KSR1: variants seen among roughly 807,000 people sequenced by gnomAD.
KSR1 encodes kinase suppressor of ras.
A neutral mutation model predicts 92.9 loss-of-function variants in KSR1; 35 were observed. The ratio of observed to expected loss-of-function variants is 0.38; its 90% CI spans 0.29 to 0.50. KSR1 has a LOEUF of 0.50. Among genes scored for constraint, KSR1 ranks in the 20% least tolerant of loss-of-function variants. The pLI is 0.94. For synonymous variants in KSR1, 467 were observed against 472.6 expected, an observed-to-expected ratio of 0.99 and a Z score of 0.15; for missense variants, 972 against 1,158.5, an observed-to-expected ratio of 0.84 and a Z score of 2.34.
intron 6 of KSR1, 114 bp downstream of exon 6, chr17:27,588,649 C>G: frequency 1.1e-6 from 1 of 930,302 alleles, no homozygotes; most frequent in Non-Finnish European, 1.6e-6. Flanking sequence ...ACGGGCCTGT[C>G]CATTTCACCT....
At chr17:27,536,975 G>A (rs990127749) in intron 1 of KSR1, among the ~76,000 whole-genome samples, 2 of 152,246 alleles carry the variant, frequency 1.3e-5, no homozygotes, top group Admixed American at 6.5e-5. Flanking sequence ...GTCTACACTC[G>A]TATGGTAGAC....
chr17:27,548,499 C>T (rs1450955150), intron 1 of KSR1, among the ~76,000 whole-genome samples: 2 of 152,004 alleles, frequency 1.3e-5, no homozygotes, highest in Non-Finnish European at 2.9e-5. Context: ...GTGCAGTGGT[C>T]CTAAGTGTTT....
chr17:27,554,876 A>T (rs550653603), intron 2 of KSR1, among the ~76,000 whole-genome samples: 2 of 152,180 alleles, frequency 1.3e-5, no homozygotes, highest in Non-Finnish European at 2.9e-5. Flanking sequence ...ATAATTTTAG[A>T]TTTACAGAAA....
chr17:27,553,234 A>G (rs1482191260), intron 2 of KSR1, among the ~76,000 whole-genome samples: 1 of 152,028 alleles, frequency 6.6e-6, no homozygotes, highest in Non-Finnish European at 1.5e-5. Flanking sequence ...AAAATTAACA[A>G]TTTCCCACCT....
chr17:27,463,203 G>C (rs73270184), intron 1 of KSR1, among the ~76,000 whole-genome samples: 1 of 152,026 alleles, frequency 6.6e-6, no homozygotes, highest in East Asian at 1.9e-4. Flanking sequence ...TCACACTGAC[G>C]GCCAAGAGTT....
intron 18 of KSR1, 122 bp downstream of exon 18, chr17:27,611,751 G>C (rs1053014767): frequency 8.9e-7 from 1 of 1,121,456 alleles, no homozygotes; most frequent in South Asian, 1.4e-5. Flanking sequence ...CCACCTGCAC[G>C]TGTCTAGCTA....
chr17:27,613,537 A>G (rs1221240145), intron 18 of KSR1, among the ~76,000 whole-genome samples: 3 of 152,142 alleles, frequency 2.0e-5, no homozygotes, highest in African/African-American at 7.2e-5. Flanking sequence ...TGGTGGCTCC[A>G]CCCTATTCCC....
chr17:27,464,052 T>C (rs1426062379), intron 1 of KSR1, among the ~76,000 whole-genome samples: 1 of 152,198 alleles, frequency 6.6e-6, no homozygotes, highest in Admixed American at 6.5e-5. Flanking sequence ...GAGTCAGACC[T>C]GGAGGCCCAC....
intron 10 of KSR1, among the ~76,000 whole-genome samples, chr17:27,600,892 A>C (rs770139135): frequency 6.6e-6 from 1 of 152,310 alleles, no homozygotes; most frequent in East Asian, 1.9e-4. Flanking sequence ...CCAGAACCCC[A>C]GTGTATCCTT....
intron 2 of KSR1, among the ~76,000 whole-genome samples, chr17:27,569,867 A>G (rs764793602): frequency 3.9e-5 from 6 of 152,182 alleles, no homozygotes; most frequent in Non-Finnish European, 8.8e-5. Flanking sequence ...GATTTATAGA[A>G]GGAGGAATGG....
intron 1 of KSR1, among the ~76,000 whole-genome samples, chr17:27,460,835 C>T (rs1395199876): frequency 3.3e-5 from 5 of 152,192 alleles, no homozygotes; most frequent in Admixed American, 3.3e-4. Flanking sequence ...GGCACGTTCC[C>T]TGGACAGACC....
At chr17:27,543,845 G>A (rs1453718174) in intron 1 of KSR1, among the ~76,000 whole-genome samples, 2 of 152,134 alleles carry the variant, frequency 1.3e-5, no homozygotes, top group East Asian at 3.8e-4. Context: ...TGGCCGTCTC[G>A]CCTTTAGAAG....
chr17:27,622,018 G>A (rs2074237592), intron 20 of KSR1: 2 of 1,331,228 alleles, frequency 1.5e-6, no homozygotes, highest in Admixed American at 3.4e-5. Flanking sequence ...AATGCAAAAT[G>A]AGATGCGGGC....
intron 7 of KSR1, among the ~76,000 whole-genome samples, chr17:27,591,585 A>G (rs1012358951): frequency 6.6e-6 from 1 of 152,242 alleles, no homozygotes; most frequent in Non-Finnish European, 1.5e-5. Flanking sequence ...TCTGGGCTCC[A>G]GTCAGACCGT....
chr17:27,607,855 G>A, intron 14 of KSR1, 59 bp from the exon 15 acceptor site: 1 of 1,274,732 alleles, frequency 7.8e-7, no homozygotes, highest in South Asian at 1.3e-5. Context: ...GCTCCACCAG[G>A]GTTGGGGTCA....
chr17:27,523,301 A>T (rs542293138), intron 1 of KSR1, among the ~76,000 whole-genome samples: 2 of 152,102 alleles, frequency 1.3e-5, no homozygotes, highest in Non-Finnish European at 2.9e-5. Context: ...TCTGACTTAC[A>T]TGAATCAGCC....
At chr17:27,535,700 G>A (rs189661292) in intron 1 of KSR1, among the ~76,000 whole-genome samples, 16 of 152,234 alleles carry the variant, frequency 1.1e-4, no homozygotes, top group African/African-American at 3.4e-4. Context: ...AGATTGCAGC[G>A]AAGGAAGATG....
intron 2 of KSR1, among the ~76,000 whole-genome samples, chr17:27,570,543 G>A (rs1479711466): frequency 1.3e-5 from 2 of 152,056 alleles, no homozygotes; most frequent in Non-Finnish European, 1.5e-5. Flanking sequence ...TCAATCCCAG[G>A]CTTACCAATG....
intron 2 of KSR1, among the ~76,000 whole-genome samples, chr17:27,576,324 G>A (rs1004863187): frequency 1.3e-5 from 2 of 152,106 alleles, no homozygotes; most frequent in African/African-American, 2.4e-5. Context: ...ATATATATAT[G>A]ATGTATACTG....
Sources: gnomAD v4.1 joint callset for allele counts (sites outside exome capture counted in the v4.1 genomes callset) on GRCh38, gnomAD v4.1.1 for gene constraint, MANE v1.5 for transcripts, NCBI Gene and HGNC (gene_info 2026-07-23, HGNC 2026-07-21) for gene names.